PPP1R12B: variants seen among roughly 807,000 people sequenced by gnomAD.
The protein encoded by PPP1R12B is protein phosphatase 1 regulatory subunit 12B, also known as myosin phosphatase target subunit 2.
PPP1R12B carries 76 observed loss-of-function variants against 126.1 expected under a neutral mutation model. The observed-to-expected ratio is 0.60, with a 90% CI of 0.50 to 0.73. The LOEUF (loss-of-function observed/expected upper bound fraction) is 0.73. PPP1R12B is among the 30% of genes least tolerant of loss of function. PPP1R12B has a pLI of 0.00. For missense variants in PPP1R12B, 1,052 were observed against 1,205.1 expected (o/e 0.87, Z 1.88); for synonymous variants, 356 against 434.7 (o/e 0.82, Z 2.25).
intron 14 of PPP1R12B, among the ~76,000 whole-genome samples, chr1:202,491,323 A>G (rs2148846368): frequency 6.6e-6 from 1 of 152,050 alleles, no homozygotes; most frequent in African/African-American, 2.4e-5. Flanking sequence ...TAATTTTTGT[A>G]TTTTTAGTAG....
chr1:202,500,283 C>A (rs545088927), intron 18 of PPP1R12B, among the ~76,000 whole-genome samples: 1 of 151,916 alleles, frequency 6.6e-6, no homozygotes, highest in South Asian at 2.1e-4. Flanking sequence ...GAGATATCTG[C>A]ACCCCTATGT....
chr1:202,445,149 C>G (rs747565424), intron 12 of PPP1R12B: 1 of 1,246,598 alleles, frequency 8.0e-7, no homozygotes, highest in Non-Finnish European at 1.0e-6. Flanking sequence ...ATCTACCTCT[C>G]GGGGCAGCCA....
At chr1:202,518,947 T>C (rs1572367440) in intron 18 of PPP1R12B, among the ~76,000 whole-genome samples, 1 of 152,250 alleles carries the variant, frequency 6.6e-6, no homozygotes, top group Non-Finnish European at 1.5e-5. Context: ...ATAGTCTGTC[T>C]ATACATATAT....
chr1:202,421,878 A>G (rs1444088645), intron 2 of PPP1R12B, among the ~76,000 whole-genome samples: 2 of 152,174 alleles, frequency 1.3e-5, no homozygotes, highest in Non-Finnish European at 2.9e-5. Flanking sequence ...ACCCTCTGCC[A>G]TTTACCCGCT....
intron 18 of PPP1R12B, among the ~76,000 whole-genome samples, chr1:202,501,430 G>T (rs1255179233): frequency 6.6e-6 from 1 of 152,068 alleles, no homozygotes; most frequent in Non-Finnish European, 1.5e-5. Context: ...GTTTGCTCTG[G>T]AGCTGTTTTC....
intron 1 of PPP1R12B, among the ~76,000 whole-genome samples, chr1:202,393,100 C>T (rs1340626224): frequency 6.6e-6 from 1 of 152,044 alleles, no homozygotes; most frequent in Non-Finnish European, 1.5e-5. Context: ...CACACACCAC[C>T]AAGCCTGGCC....
At chr1:202,428,444 TAAAG>T (rs1201259656) in intron 5 of PPP1R12B, 1 of 165,556 alleles carries the variant, frequency 6.0e-6, no homozygotes, top group Non-Finnish European at 1.3e-5. Context: ...TCCCCTCACT[TAAAG>T]GAAGATGATT....
chr1:202,566,712 G>C (rs568240824), intron 21 of PPP1R12B, among the ~76,000 whole-genome samples: 50 of 152,198 alleles, frequency 3.3e-4, no homozygotes, highest in African/African-American at 1.2e-3. Flanking sequence ...GCAGCATAAA[G>C]GCAGACAGCC....
chr1:202,514,095 TTTC>T, intron 18 of PPP1R12B, among the ~76,000 whole-genome samples: 1 of 152,184 alleles, frequency 6.6e-6, no homozygotes, highest in East Asian at 1.9e-4. Context: ...TTTCTTTTCT[TTTC>T]TTTTTTTAAC....
At chr1:202,353,234 T>G (rs1656365816) in intron 1 of PPP1R12B, among the ~76,000 whole-genome samples, 1 of 152,212 alleles carries the variant, frequency 6.6e-6, no homozygotes, top group South Asian at 2.1e-4. Context: ...TTTAACCTTT[T>G]CTCTTTTATT....
At chr1:202,389,687 T>C (rs1272254684) in intron 1 of PPP1R12B, among the ~76,000 whole-genome samples, 1 of 151,686 alleles carries the variant, frequency 6.6e-6, no homozygotes, top group Non-Finnish European at 1.5e-5. Flanking sequence ...CCCAGCACTT[T>C]GGGAGGCCAA....
chr1:202,488,680 A>T (rs1678467102), intron 14 of PPP1R12B, 57 bp downstream of exon 14: 5 of 1,371,824 alleles, frequency 3.6e-6, no homozygotes, highest in Admixed American at 1.9e-5. Flanking sequence ...TGTTGGAGGT[A>T]CAATCAAAAC....
chr1:202,523,526 A>G (rs1052880839), intron 18 of PPP1R12B, among the ~76,000 whole-genome samples: 65 of 152,312 alleles, frequency 4.3e-4, no homozygotes, highest in African/African-American at 1.3e-3. Flanking sequence ...AGCAAAGGCC[A>G]TATGGTGGGA....
chr1:202,440,171 T>A (rs562504216), intron 10 of PPP1R12B, among the ~76,000 whole-genome samples: 93 of 152,302 alleles, frequency 6.1e-4, no homozygotes, highest in African/African-American at 2.1e-3. Context: ...GGACTCTCTT[T>A]GTGCTTTTCT....
At chr1:202,547,738 A>G (rs1685799542) in intron 18 of PPP1R12B, among the ~76,000 whole-genome samples, 1 of 152,238 alleles carries the variant, frequency 6.6e-6, no homozygotes, top group Non-Finnish European at 1.5e-5. Context: ...CAGTAAAATA[A>G]TGACCTTAAA....
intron 1 of PPP1R12B, among the ~76,000 whole-genome samples, chr1:202,363,448 A>G (rs965896255): frequency 6.6e-6 from 1 of 152,204 alleles, no homozygotes; most frequent in Non-Finnish European, 1.5e-5. Context: ...AGACCTTGTC[A>G]TTAGCCTTCT....
chr1:202,425,874 G>C, intron 4 of PPP1R12B, 149 bp downstream of exon 4: 1 of 725,680 alleles, frequency 1.4e-6, no homozygotes, highest in African/African-American at 1.8e-5. Flanking sequence ...CTCACATTTT[G>C]CTGGTATTCA....
intron 13 of PPP1R12B, among the ~76,000 whole-genome samples, chr1:202,456,722 T>G (rs1472876534): frequency 6.6e-6 from 1 of 152,212 alleles, no homozygotes; most frequent in Non-Finnish European, 1.5e-5. Flanking sequence ...GTGAGAAATT[T>G]TCACTATTCG....
At chr1:202,509,100 C>T (rs977310376) in intron 18 of PPP1R12B, among the ~76,000 whole-genome samples, 4 of 152,250 alleles carry the variant, frequency 2.6e-5, no homozygotes, top group African/African-American at 7.2e-5. Context: ...CTGGCCTCTG[C>T]TCTAGGTTAC....
Sources: allele counts gnomAD v4.1 joint callset (sites outside exome capture counted in the v4.1 genomes callset), GRCh38; gene constraint gnomAD v4.1.1; transcripts MANE v1.5; gene names NCBI Gene and HGNC (gene_info 2026-07-23, HGNC 2026-07-21).